RBFOX1: variants seen among roughly 807,000 people sequenced by gnomAD.
RBFOX1 encodes RNA binding fox-1 homolog 1.
RBFOX1 carries 8 observed loss-of-function variants against 57.7 expected under a neutral mutation model. The ratio of observed to expected loss-of-function variants is 0.14; its 90% CI spans 0.08 to 0.25. The LOEUF is 0.25. Among genes scored for constraint, RBFOX1 ranks in the 10% least tolerant of loss-of-function variants. RBFOX1 has a pLI of 1.00. For synonymous variants in RBFOX1, 326 were observed against 222.4 expected, an observed-to-expected ratio of 1.47 and a Z score of -4.15; for missense variants, 611 against 548.5, an observed-to-expected ratio of 1.11 and a Z score of -1.14.
intron 14 of RBFOX1, among the ~76,000 whole-genome samples, chr16:7,686,844 G>A (rs1046891716): frequency 4.6e-5 from 7 of 152,032 alleles, no homozygotes; most frequent in East Asian, 1.9e-4. Context: ...GTTAAATGTT[G>A]GAGGAACTAA....
chr16:7,310,015 G>A (rs1951566483), intron 4 of RBFOX1, among the ~76,000 whole-genome samples: 1 of 152,222 alleles, frequency 6.6e-6, no homozygotes, highest in Non-Finnish European at 1.5e-5. Flanking sequence ...CTGCCGGGCT[G>A]AGCGTTGGCC....
chr16:7,585,309 C>G (rs1034982809), intron 6 of RBFOX1, among the ~76,000 whole-genome samples: 2 of 152,148 alleles, frequency 1.3e-5, no homozygotes, highest in African/African-American at 4.8e-5. Context: ...TGATTTTTCT[C>G]TGCCTAAAAC....
chr16:6,707,064 T>C (rs1471654022), intron 3 of RBFOX1, among the ~76,000 whole-genome samples: 1 of 152,206 alleles, frequency 6.6e-6, no homozygotes, highest in African/African-American at 2.4e-5. Context: ...ACTGTCATCA[T>C]TTTGGTATAA....
chr16:7,080,128 T>G (rs1334262440), intron 4 of RBFOX1, among the ~76,000 whole-genome samples: 1 of 149,760 alleles, frequency 6.7e-6, no homozygotes, highest in African/African-American at 2.4e-5. Context: ...AAAAGACTAG[T>G]ATACTTTACT....
chr16:5,441,655 G>A (rs1357051028), intron 1 of RBFOX1, among the ~76,000 whole-genome samples: 1 of 152,136 alleles, frequency 6.6e-6, no homozygotes, highest in Non-Finnish European at 1.5e-5. Flanking sequence ...GTGAGCCACT[G>A]TTCCTGGCAG....
intron 4 of RBFOX1, among the ~76,000 whole-genome samples, chr16:7,214,859 G>A (rs760797016): frequency 6.6e-6 from 1 of 152,094 alleles, no homozygotes; most frequent in South Asian, 2.1e-4. Context: ...TAGTCTGGGT[G>A]TCTGTCTCAC....
At chr16:6,651,106 T>C (rs1242800519) in intron 2 of RBFOX1, among the ~76,000 whole-genome samples, 1 of 152,168 alleles carries the variant, frequency 6.6e-6, no homozygotes, top group East Asian at 1.9e-4. Context: ...TTCACCATAT[T>C]AGCCAGGCTG....
intron 2 of RBFOX1, among the ~76,000 whole-genome samples, chr16:6,648,298 C>A (rs1005428787): frequency 5.3e-5 from 8 of 150,990 alleles, no homozygotes; most frequent in African/African-American, 1.9e-4. Flanking sequence ...TGGACTCAAA[C>A]GATCCTCTGG....
At chr16:5,610,705 T>C (rs1343356608) in intron 3 of RBFOX1, 1 of 151,416 alleles carries the variant, frequency 6.6e-6, no homozygotes, top group African/African-American at 2.4e-5. Flanking sequence ...AAAAAAATTA[T>C]TTTAAAATTA....
intron 2 of RBFOX1, among the ~76,000 whole-genome samples, chr16:5,597,068 C>A (rs186559898): frequency 2.0e-5 from 3 of 152,130 alleles, no homozygotes; most frequent in African/African-American, 4.8e-5. Flanking sequence ...AGTTCAGAAA[C>A]GATGTACAGA....
chr16:6,232,594 C>G (rs1476077135), intron 1 of RBFOX1, among the ~76,000 whole-genome samples: 1 of 152,052 alleles, frequency 6.6e-6, no homozygotes, highest in Non-Finnish European at 1.5e-5. Context: ...CTTTCTTGTT[C>G]CAGTTGTCTA....
intron 3 of RBFOX1, among the ~76,000 whole-genome samples, chr16:5,662,912 G>A (rs889386300): frequency 1.3e-5 from 2 of 152,208 alleles, no homozygotes; most frequent in African/African-American, 4.8e-5. Flanking sequence ...CATATATCAT[G>A]TAGCTGGGAT....
At chr16:7,031,610 GAAAGA>G (rs905138546) in intron 3 of RBFOX1, among the ~76,000 whole-genome samples, 8 of 140,920 alleles carry the variant, frequency 5.7e-5, no homozygotes, top group South Asian at 2.2e-4. Context: ...AAAAAAAAAA[GAAAGA>G]AAAGAAAAGA....
At chr16:6,142,595 T>G (rs2096727558) in intron 1 of RBFOX1, among the ~76,000 whole-genome samples, 1 of 152,164 alleles carries the variant, frequency 6.6e-6, no homozygotes, top group Non-Finnish European at 1.5e-5. Context: ...AGGAAGGCAA[T>G]GGCTCTGCCT....
intron 1 of RBFOX1, among the ~76,000 whole-genome samples, chr16:5,400,787 C>T (rs1596863752): frequency 6.6e-6 from 1 of 152,062 alleles, no homozygotes. Flanking sequence ...TTTTCTTCCC[C>T]ACCCCCAACA....
intron 1 of RBFOX1, among the ~76,000 whole-genome samples, chr16:5,432,715 C>T (rs2067790896): frequency 6.6e-6 from 1 of 151,790 alleles, no homozygotes; most frequent in South Asian, 2.1e-4. Flanking sequence ...TATGGGGGGC[C>T]CTCCTCAGCT....
At chr16:6,933,890 G>A (rs939968255) in intron 3 of RBFOX1, among the ~76,000 whole-genome samples, 1 of 152,136 alleles carries the variant, frequency 6.6e-6, no homozygotes, top group Non-Finnish European at 1.5e-5. Context: ...TCAAAACAAA[G>A]TTATTGAACA....
At chr16:6,444,847 T>A (rs1466507752) in intron 2 of RBFOX1, among the ~76,000 whole-genome samples, 1 of 152,106 alleles carries the variant, frequency 6.6e-6, no homozygotes, top group Non-Finnish European at 1.5e-5. Flanking sequence ...TGGGGCTTGG[T>A]TCTGTGTGAG....
rs140222804 is a variant in RBFOX1, at chr16:5,279,377, T to C, written c.219+39272T>C. 4.8e-3 allele frequency among the ~76,000 whole-genome samples: 734 copies of C among 152,322 alleles called. 10 individuals carry two copies. Among genetic ancestry groups the C allele is most frequent in the African/African-American group, 0.016 (683 of 41,586 alleles). ...ATTTTTGTAGCTATTGTAAATAGAA[T>C]TTCTTCCTTGATTTCTTTTTTAGCT... On this transcript the variant is annotated intron_variant, in intron 1 of 2. Coordinates refer to the RBFOX1 transcript ENST00000585867.
Sources: gnomAD v4.1 joint callset for allele counts (sites outside exome capture counted in the v4.1 genomes callset) on GRCh38, gnomAD v4.1.1 for gene constraint, MANE v1.5 for transcripts, NCBI Gene and HGNC (gene_info 2026-07-23, HGNC 2026-07-21) for gene names.